The following RORA variants were observed in gnomAD, a reference collection of about 807,000 sequenced individuals.
The protein encoded by RORA is nuclear receptor ROR-alpha.
A neutral mutation model predicts 69.5 loss-of-function variants in RORA; 7 were observed. The observed-to-expected ratio is 0.10, with a 90% CI of 0.06 to 0.19. The LOEUF (loss-of-function observed/expected upper bound fraction) is 0.19, where lower values mean the gene tolerates loss of function less well. Ranked by LOEUF, RORA falls within the 10% of genes least tolerant of loss-of-function variation. The probability of loss-of-function intolerance (pLI) is 1.00; values close to 1 mark genes in which losing one functional copy is unlikely to be tolerated. For missense variants in RORA, 457 were observed against 663.0 expected (o/e 0.69, Z 3.41); for synonymous variants, 261 against 240.8 (o/e 1.08, Z -0.78).
chr15:60,868,750 T>G (rs1051921088), intron 1 of RORA, among the ~76,000 whole-genome samples: 7 of 152,192 alleles, frequency 4.6e-5, no homozygotes, highest in African/African-American at 1.7e-4. Flanking sequence ...CTCCCTTCTT[T>G]CATGTGTAAA....
At chr15:61,100,384 T>C (rs1356660499) in intron 1 of RORA, among the ~76,000 whole-genome samples, 2 of 152,172 alleles carry the variant, frequency 1.3e-5, no homozygotes, top group Non-Finnish European at 2.9e-5. Flanking sequence ...CCTCCCAAAG[T>C]ACGAGGATTA....
intron 1 of RORA, among the ~76,000 whole-genome samples, chr15:61,038,656 C>T (rs916622427): frequency 4.6e-5 from 7 of 152,226 alleles, no homozygotes; most frequent in Non-Finnish European, 1.0e-4. Flanking sequence ...AGACACAGCA[C>T]TGCATTGTGT....
chr15:60,722,633 G>A (rs1330737062), intron 1 of RORA, among the ~76,000 whole-genome samples: 1 of 152,184 alleles, frequency 6.6e-6, no homozygotes, highest in Non-Finnish European at 1.5e-5. Flanking sequence ...TGGTTCAGCT[G>A]ACTTCCCTGG....
intron 1 of RORA, among the ~76,000 whole-genome samples, chr15:60,973,344 T>C (rs1389341214): frequency 2.0e-5 from 3 of 152,146 alleles, no homozygotes; most frequent in South Asian, 2.1e-4. Flanking sequence ...GGATGAGCAG[T>C]ATTTAAGCAC....
intron 1 of RORA, among the ~76,000 whole-genome samples, chr15:61,077,345 T>C (rs190240143): frequency 6.6e-6 from 1 of 152,222 alleles, no homozygotes; most frequent in African/African-American, 2.4e-5. Flanking sequence ...GAAGAAGACA[T>C]GTTTAGGGGA....
chr15:61,178,386 C>T (rs1211483437), intron 1 of RORA, among the ~76,000 whole-genome samples: 1 of 152,116 alleles, frequency 6.6e-6, no homozygotes, highest in Non-Finnish European at 1.5e-5. Flanking sequence ...CCTTTTTCCC[C>T]AGTTAATTTT....
At chr15:60,696,391 C>A (rs1323943065) in intron 1 of RORA, among the ~76,000 whole-genome samples, 3 of 152,062 alleles carry the variant, frequency 2.0e-5, no homozygotes, top group Non-Finnish European at 2.9e-5. Context: ...AAAAGACATT[C>A]CAGAAAAATT....
At chr15:60,954,899 A>G (rs7182858) in intron 1 of RORA, among the ~76,000 whole-genome samples, 78 of 152,168 alleles carry the variant, frequency 5.1e-4, no homozygotes, top group African/African-American at 1.6e-3. Context: ...TCATCCAGTA[A>G]TGACAGACTG....
intron 1 of RORA, among the ~76,000 whole-genome samples, chr15:60,995,290 C>T (rs1012508908): frequency 2.6e-5 from 4 of 152,098 alleles, no homozygotes; most frequent in Non-Finnish European, 5.9e-5. Flanking sequence ...GTTAGCACTC[C>T]GGGTACAGAG....
At chr15:60,615,839 T>C (rs764695392) in intron 2 of RORA, among the ~76,000 whole-genome samples, 5 of 152,248 alleles carry the variant, frequency 3.3e-5, no homozygotes, top group Non-Finnish European at 7.4e-5. Flanking sequence ...CTGCATGGAG[T>C]TCTGTGGATG....
At chr15:60,901,342 T>G (rs1466506496) in intron 1 of RORA, among the ~76,000 whole-genome samples, 2 of 152,188 alleles carry the variant, frequency 1.3e-5, no homozygotes, top group Non-Finnish European at 2.9e-5. Flanking sequence ...CAGCTAATTT[T>G]TGTACTTTTA....
chr15:60,515,061 A>G (rs997690911), intron 3 of RORA, among the ~76,000 whole-genome samples: 1 of 152,192 alleles, frequency 6.6e-6, no homozygotes, highest in Admixed American at 6.5e-5. Flanking sequence ...ATCAAAAGCA[A>G]TGTGCCTGAT....
intron 2 of RORA, among the ~76,000 whole-genome samples, chr15:60,561,824 G>A (rs1299855203): frequency 6.6e-6 from 1 of 152,132 alleles, no homozygotes; most frequent in Non-Finnish European, 1.5e-5. Flanking sequence ...TGCAGGGGTG[G>A]TGGTGGGGGA....
At chr15:61,142,865 G>C (rs2079312928) in intron 1 of RORA, among the ~76,000 whole-genome samples, 1 of 151,984 alleles carries the variant, frequency 6.6e-6, no homozygotes, top group Non-Finnish European at 1.5e-5. Flanking sequence ...TTTTGATATG[G>C]GAAAGAGAGA....
rs1318584368 is a variant in RORA, at chr15:60,534,837, C to T, written c.197-2986G>A. On this transcript the variant is annotated intron_variant, in intron 2 of 10. Transcript: ENST00000335670. The surrounding 1 kb of genome is among the most constrained non-coding windows in gnomAD (Gnocchi z 5.0). ...AGATTGGAGCAGGGCACTTGCTCAG[C>T]CCTTCATTTAACCCAACAATGCACA... is the stretch of plus-strand genomic sequence containing the variant. 6.6e-6 allele frequency among the ~76,000 whole-genome samples: 1 copy of T among 152,132 alleles called. No individual in the cohort carries two copies. Among genetic ancestry groups the T allele is most frequent in the Non-Finnish European group, 1.5e-5 (1 of 68,014 alleles).
At chr15:60,913,799 G>A (rs1382119405) in intron 1 of RORA, among the ~76,000 whole-genome samples, 1 of 152,132 alleles carries the variant, frequency 6.6e-6, no homozygotes, top group Non-Finnish European at 1.5e-5. Flanking sequence ...CTATTAAAGG[G>A]GGTCTCAACA....
At chr15:60,968,214 G>A (rs1331075437) in intron 1 of RORA, among the ~76,000 whole-genome samples, 1 of 152,180 alleles carries the variant, frequency 6.6e-6, no homozygotes, top group Non-Finnish European at 1.5e-5. Context: ...GGTATTGAGG[G>A]AGCCCCAGGA....
intron 1 of RORA, among the ~76,000 whole-genome samples, chr15:61,056,835 G>A (rs2078103469): frequency 6.6e-6 from 1 of 152,190 alleles, no homozygotes; most frequent in Non-Finnish European, 1.5e-5. Context: ...CTTCTGCTGA[G>A]TACAGATAAA....
intron 2 of RORA, among the ~76,000 whole-genome samples, chr15:60,590,325 G>A (rs1567109613): frequency 6.6e-6 from 1 of 152,140 alleles, no homozygotes. Context: ...TGGGGGTAGC[G>A]TGTGTGATTC....
Sources: gnomAD v4.1 joint callset for allele counts (sites outside exome capture counted in the v4.1 genomes callset) on GRCh38, gnomAD v4.1.1 for gene constraint, Gnocchi (gnomAD v3.1) non-coding constraint, MANE v1.5 for transcripts, NCBI Gene and HGNC (gene_info 2026-07-23, HGNC 2026-07-21) for gene names.